The following ERBB4 variants were observed in gnomAD, a reference collection of about 807,000 sequenced individuals.
ERBB4 encodes receptor tyrosine-protein kinase erbB-4.
Under a neutral mutation model 158.0 loss-of-function variants are expected in ERBB4, and 42 were observed. The ratio of observed to expected loss-of-function variants is 0.27; its 90% CI spans 0.21 to 0.34. The LOEUF is 0.34. ERBB4 is among the 10% of genes least tolerant of loss of function. ERBB4 has a pLI of 1.00. For missense variants in ERBB4, 1,333 were observed against 1,624.1 expected, an observed-to-expected ratio of 0.82 and a Z score of 3.08; for synonymous variants, 583 against 558.7, an observed-to-expected ratio of 1.04 and a Z score of -0.61.
intron 20 of ERBB4, among the ~76,000 whole-genome samples, chr2:211,439,735 T>C (rs547352781): frequency 8.9e-4 from 135 of 152,328 alleles, no homozygotes; most frequent in Non-Finnish European, 1.5e-3. Context: ...AGTTTCCATA[T>C]ACAAAGGATT....
chr2:212,423,054 G>C (rs1162655880), intron 1 of ERBB4, among the ~76,000 whole-genome samples: 1 of 152,018 alleles, frequency 6.6e-6, no homozygotes, highest in Non-Finnish European at 1.5e-5. Flanking sequence ...AATAACTTGA[G>C]TAAGAGGATA....
chr2:212,286,767 A>ATTTGTTTTTTTTTTTTT (rs2085994861), intron 1 of ERBB4, among the ~76,000 whole-genome samples: 1 of 39,562 alleles, frequency 2.5e-5, no homozygotes, highest in African/African-American at 1.1e-4. Context: ...ATGAGGGTTA[A>ATTTGTTTTTTTTTTTTT]TTTTTTTTTT....
chr2:211,911,415 G>T (rs2079538553), intron 3 of ERBB4, among the ~76,000 whole-genome samples: 1 of 152,018 alleles, frequency 6.6e-6, no homozygotes, highest in South Asian at 2.1e-4. Context: ...ACAGGTGCCT[G>T]CCACCATGCC....
At chr2:212,258,387 TAAC>T (rs1260236532) in intron 1 of ERBB4, among the ~76,000 whole-genome samples, 1 of 151,656 alleles carries the variant, frequency 6.6e-6, no homozygotes, top group Non-Finnish European at 1.5e-5. Context: ...CATAGAATTT[TAAC>T]AACAATAACG....
chr2:211,435,625 T>A (rs1359435413), intron 20 of ERBB4, among the ~76,000 whole-genome samples: 1 of 152,070 alleles, frequency 6.6e-6, no homozygotes, highest in Non-Finnish European at 1.5e-5. Flanking sequence ...CAGCATTAGA[T>A]TCTCGTAGGA....
intron 2 of ERBB4, among the ~76,000 whole-genome samples, chr2:212,012,374 ATT>A (rs1478798461): frequency 3.3e-5 from 5 of 149,792 alleles, no homozygotes; most frequent in Non-Finnish European, 5.9e-5. Context: ...TGGGCTGGTC[ATT>A]GTTTCTAAGC....
intron 19 of ERBB4, among the ~76,000 whole-genome samples, chr2:211,576,289 T>G (rs1173430432): frequency 6.6e-6 from 1 of 152,076 alleles, no homozygotes; most frequent in Non-Finnish European, 1.5e-5. Flanking sequence ...GGTAAGCAAG[T>G]GGCAGTGGGA....
intron 3 of ERBB4, among the ~76,000 whole-genome samples, chr2:211,859,965 A>C (rs906848006): frequency 2.6e-5 from 4 of 152,230 alleles, no homozygotes; most frequent in Non-Finnish European, 5.9e-5. Context: ...TGGTAAAACA[A>C]AGAAAAATTG....
intron 1 of ERBB4, among the ~76,000 whole-genome samples, chr2:212,490,860 C>G (rs1690238543): frequency 6.6e-6 from 1 of 151,714 alleles, no homozygotes; most frequent in Admixed American, 6.6e-5. Context: ...AAGGCCTCCA[C>G]AAACTAAATA....
intron 2 of ERBB4, among the ~76,000 whole-genome samples, chr2:211,956,333 T>G (rs962844667): frequency 6.6e-6 from 1 of 152,094 alleles, no homozygotes; most frequent in Non-Finnish European, 1.5e-5. Flanking sequence ...TAAAAAGAAA[T>G]TATTAGTTTT....
Position 211,782,852 on chromosome 2 carries a change from A to G in ERBB4, c.556+5173T>C, listed in dbSNP as rs377367304. On this transcript the variant is annotated intron_variant, in intron 4 of 27. Coordinates refer to ENST00000342788, the MANE Select transcript of ERBB4 (RefSeq NM_005235.3). ...TTTGGCTTAGGATTGACTTGGCGAT[A>G]CGGGCTCTTTTTTGGTTCCATATGA... Among the ~76,000 whole-genome samples the G allele has an allele frequency of 6.5e-3, 995 of 152,220 alleles. 20 individuals are homozygous for G. Among genetic ancestry groups the G allele is most frequent in the Middle Eastern group, 0.048 (14 of 294 alleles).
chr2:211,665,448 A>T lies in ERBB4; in HGVS notation c.1746T>A (p.His582Gln), dbSNP rs762501471. 3.1e-6 allele frequency: 5 copies of T among 1,614,150 alleles called. No individual in the cohort carries two copies. In the Admixed American group the frequency reaches 5.0e-5, roughly 16 times the overall value. ...PGPDNCTKCS[H>Q]FKDGPNCVEK... ...CCACACAGTTTGGGCCATCTTTAAA[A>T]TGAGAGCACTTTGTACAGTTGTCAG... The change falls in exon 15 of 28, where the codon CAT becomes CAA. Residue 582 changes from histidine to glutamine, a missense_variant. By Grantham distance (24) the His-to-Gln change is conservative. This residue lies in a region of ERBB4 where 245 missense variants were observed against 247.5 expected (regional missense o/e 0.99). Coordinates refer to ENST00000342788, the MANE Select transcript of ERBB4 (RefSeq NM_005235.3).
At chr2:211,861,100 A>ATATATATT (rs1559585771) in intron 3 of ERBB4, among the ~76,000 whole-genome samples, 1 of 28,072 alleles carries the variant, frequency 3.6e-5, no homozygotes, top group Non-Finnish European at 6.5e-5. Context: ...ATATAAATAC[A>ATATATATT]TTATATATAT....
intron 1 of ERBB4, among the ~76,000 whole-genome samples, chr2:212,503,678 A>G (rs1191578467): frequency 6.6e-6 from 1 of 152,244 alleles, no homozygotes; most frequent in East Asian, 1.9e-4. Context: ...AACAATGCTG[A>G]CAAGTACAAA....
intron 1 of ERBB4, among the ~76,000 whole-genome samples, chr2:212,338,350 G>C (rs549820617): frequency 6.6e-6 from 1 of 152,154 alleles, no homozygotes; most frequent in East Asian, 1.9e-4. Flanking sequence ...TCCCAAAGTG[G>C]TTCCTCAAGC....
At chr2:212,087,142 T>C (rs1343802889) in intron 2 of ERBB4, among the ~76,000 whole-genome samples, 2 of 151,604 alleles carry the variant, frequency 1.3e-5, no homozygotes, top group African/African-American at 2.4e-5. Context: ...ATAAGCAAGA[T>C]ACTGACCTCT....
At chr2:211,490,850 A>G (rs937085011) in intron 20 of ERBB4, among the ~76,000 whole-genome samples, 1 of 152,142 alleles carries the variant, frequency 6.6e-6, no homozygotes, top group African/African-American at 2.4e-5. Context: ...GTTCTCAAGA[A>G]AAGTATTACA....
At chr2:212,381,708 T>A (rs1191437908) in intron 1 of ERBB4, among the ~76,000 whole-genome samples, 2 of 151,336 alleles carry the variant, frequency 1.3e-5, no homozygotes, top group African/African-American at 4.8e-5. Flanking sequence ...CCAGTTGAGC[T>A]GTCTAGGCAT....
rs112197898 is a variant in ERBB4 at position 211,887,253 on chromosome 2, T to TACACACACAC, written c.421+60167_421+60176dup. Among the ~76,000 whole-genome samples the TACACACACAC allele has an allele frequency of 8.0e-3, 1,169 of 145,390 alleles. 7 individuals carry two copies. The highest frequency in any genetic ancestry group is 0.018 in the Middle Eastern group (5 of 284). On this transcript the variant is annotated intron_variant, in intron 3 of 27. Transcript: ENST00000342788. ...ACAGAGTTGAAAGATAACAGAGGAT[T>TACACACACAC]ACACACACACACACACACACACACA...
Sources: gnomAD v4.1 joint callset for allele counts (sites outside exome capture counted in the v4.1 genomes callset) on GRCh38, gnomAD v4.1.1 for gene constraint, gnomAD v4.1.1 regional missense constraint, MANE v1.5 for transcripts, NCBI Gene and HGNC (gene_info 2026-07-23, HGNC 2026-07-21) for gene names.